The following CELSR3 variants were observed in gnomAD, a reference collection of about 807,000 sequenced individuals.
CELSR3 encodes cadherin EGF LAG seven-pass G-type receptor 3.
In CELSR3, 73 loss-of-function variants were observed where a neutral mutation model predicts 270.0. The ratio of observed to expected loss-of-function variants is 0.27; its 90% CI spans 0.22 to 0.33. CELSR3 has a LOEUF of 0.33. Among genes scored for constraint, CELSR3 ranks in the 10% least tolerant of loss-of-function variants. The probability of loss-of-function intolerance (pLI) is 1.00; values close to 1 mark genes in which losing one functional copy is unlikely to be tolerated. For missense variants in CELSR3, 3,614 were observed against 4,533.8 expected (o/e 0.80, Z 5.83); for synonymous variants, 1,780 against 1,905.4 (o/e 0.93, Z 1.71).
chr3:48,650,433 A>AGGGGGGGGGGCG lies in CELSR3; in HGVS notation c.6472+46_6472+47insCGCCCCCCCCCC. 2 of 927,818 alleles carry AGGGGGGGGGGCG rather than the reference A, an allele frequency of 2.2e-6. No homozygotes were observed. Among genetic ancestry groups the AGGGGGGGGGGCG allele is most frequent in the Non-Finnish European group, 1.7e-6 (1 of 598,394 alleles). 57.5% of individuals were successfully genotyped at this position (927,818 alleles called of 1,614,324 possible). A position where few individuals can be genotyped will look rare whatever the true frequency, so the allele number is the denominator to read the frequency against. On this transcript the variant is annotated intron_variant, in intron 16 of 34. Transcript: ENST00000164024. This position sits in a 1 kb window ranked among gnomAD's most constrained non-coding sequence, Gnocchi z 5.1. ...GACATGGCTCTAGCAGTCAGAGTACAGGCCCACCCCCACCCTCAGTGATGT... is the reference window on the plus strand; with the variant it reads ...GACATGGCTCTAGCAGTCAGAGTACAGGGGGGGGGGCGGGCCCACCCCCACCCTCAGTGATGT...
In CELSR3 at chr3:48,653,280, G is replaced by A. The variant is rs1174646650; in HGVS notation, c.5449-93C>T. 3 of 1,214,176 alleles carry A rather than the reference G, an allele frequency of 2.5e-6. No individual in the cohort carries two copies. The African/African-American group carries it at 4.5e-5, about 18-fold the overall frequency. The allele number at this position is 1,214,176 out of a possible 1,614,324, so 75.2% of individuals were successfully genotyped here. Reference sequence around the variant, plus strand: ...GAGGGCTCAGAGGTCAGGAATATCAGAGGTCAGAACAGTGGGGTCAAGGTT... The same window carrying A: ...GAGGGCTCAGAGGTCAGGAATATCAAAGGTCAGAACAGTGGGGTCAAGGTT... On this transcript the variant is annotated intron_variant, in intron 9 of 34. Coordinates refer to ENST00000164024, the MANE Select transcript of CELSR3 (RefSeq NM_001407.3). This position sits in a 1 kb window ranked among gnomAD's most constrained non-coding sequence, Gnocchi z 6.5.
In CELSR3 at chr3:48,651,955, C is replaced by A. The variant is rs927234373; in HGVS notation, c.5845G>T (p.Ala1949Ser). The change falls in exon 12 of 35, where the codon GCC (alanine) becomes TCC (serine). Residue 1949 changes from alanine (A) to serine (S), a missense_variant. By Grantham distance (99) the Ala-to-Ser change is moderately conservative. This residue lies in a region of CELSR3 where 1,331 missense variants were observed against 1,933.7 expected (regional missense o/e 0.69). Transcript: ENST00000164024. The surrounding 1 kb of genome is among the most constrained non-coding windows in gnomAD (Gnocchi z 7.4). Reference protein sequence around the residue: ...NAEPGCVVTNACASGPCPPHA... With the variant: ...NAEPGCVVTNSCASGPCPPHA... ...GGTGGGCAGGGCCCAGAGGCACAGG[C>A]GTTGGTCACAACACAGCCAGGCTCC... 6.2e-7 allele frequency: 1 copy of A among 1,608,470 alleles called. No individual in the cohort carries two copies.
At position 48,657,317 on chromosome 3, in the gene CELSR3, C is replaced by G; in HGVS notation, c.3780G>C (p.Val1260=). The G allele has an allele frequency of 1.2e-6, 2 of 1,607,566 alleles. No individual in the cohort carries two copies. The highest frequency in any genetic ancestry group is 1.7e-6 in the Non-Finnish European group (2 of 1,177,294). ...CCTCCGTGATGATGACCACGCGCAG[C>G]ACACACTGCGCCGTCACGCTGTGCA... is the stretch of plus-strand genomic sequence containing the variant. The part of the protein sequence containing the change: ...DGLHSVTAQC[V]LRVVIITEEL... The change falls in exon 2 of 35, where the codon GTG becomes GTC. Residue 1260 remains valine, a synonymous_variant. Coordinates refer to ENST00000164024, the MANE Select transcript of CELSR3 (RefSeq NM_001407.3). The surrounding 1 kb of genome is among the most constrained non-coding windows in gnomAD (Gnocchi z 5.4).
Position 48,648,246 on chromosome 3 carries a change from CT to C in CELSR3, c.6973+19del. 14 of 1,418,210 alleles carry C rather than the reference CT, an allele frequency of 9.9e-6. No individual in the cohort carries two copies. Among genetic ancestry groups the C allele is most frequent in the African/African-American group, 1.4e-5 (1 of 70,982 alleles). 87.9% of individuals were successfully genotyped at this position (1,418,210 alleles called of 1,614,324 possible). A position where few individuals can be genotyped will look rare whatever the true frequency, so the allele number is the denominator to read the frequency against. The stretch of plus-strand genomic sequence containing the variant: ...CATGGCCCCCCTGCTGTGCCCCGCC[CT>C]ACCCCACCCACAACGCACTGATATT... On this transcript the variant is annotated intron_variant, in intron 19 of 34. Coordinates refer to ENST00000164024, the MANE Select transcript of CELSR3 (RefSeq NM_001407.3).
chr3:48,640,468 G>T lies in CELSR3; in HGVS notation c.9117C>A (p.His3039Gln). The change falls in exon 34 of 35, where the codon CAC becomes CAA. Residue 3039 changes from histidine (H) to glutamine (Q), a missense_variant. By Grantham distance (24) the His-to-Gln change is conservative. This residue lies in a region of CELSR3 where 1,240 missense variants were observed against 1,351.7 expected (regional missense o/e 0.92). Coordinates refer to ENST00000164024, the MANE Select transcript of CELSR3 (RefSeq NM_001407.3). The surrounding 1 kb of genome is among the most constrained non-coding windows in gnomAD (Gnocchi z 7.5). Reference protein sequence around the residue: ...LSWCRAATLGHRAVPAASYGR... With the variant: ...LSWCRAATLGQRAVPAASYGR... Reference sequence around the variant, plus strand: ...CGTAAGAGGCAGCTGGCACAGCACGGTGGCCCAAGGTGGCTGCACGGCACC... The same window carrying T: ...CGTAAGAGGCAGCTGGCACAGCACGTTGGCCCAAGGTGGCTGCACGGCACC... 6.2e-7 allele frequency: 1 copy of T among 1,612,310 alleles called. No homozygotes were observed. Among genetic ancestry groups the T allele is most frequent in the Non-Finnish European group, 8.5e-7 (1 of 1,179,840 alleles).
rs1023692851 is a variant in CELSR3, at chr3:48,656,553, C to A, written c.4399+145G>T. ...ATCGCTGCCTCGGCGGCGGCCCCTT[C>A]CGGCCACGCTCTACGGCTTCTGGCC... is the stretch of plus-strand genomic sequence containing the variant. On this transcript the variant is annotated intron_variant, in intron 2 of 34. Transcript: ENST00000164024. 4.0e-6 allele frequency: 5 copies of A among 1,250,948 alleles called. No individual in the cohort carries two copies. The East Asian group carries it at 1.1e-4, about 28-fold the overall frequency. The allele number at this position is 1,250,948 out of a possible 1,614,324, so 77.5% of individuals were successfully genotyped here.
intron 19 of CELSR3, 57 bp from the exon 20 acceptor site, chr3:48,648,053 T>C (rs1465657797): frequency 2.5e-6 from 4 of 1,591,586 alleles, no homozygotes; most frequent in Non-Finnish European, 3.4e-6. Context: ...CTGCCAAGGG[T>C]TCTACTCCCT....
rs776737732 is a variant in CELSR3, at chr3:48,655,357, C to G, written c.4779G>C (p.Gly1593=). 2 of 1,614,104 alleles carry G rather than the reference C, an allele frequency of 1.2e-6. No individual in the cohort carries two copies. The highest frequency in any genetic ancestry group is 2.2e-5 in the South Asian group (2 of 91,088). The stretch of plus-strand genomic sequence containing the variant: ...TATGCCATTGCCCGTCACTCAAGCC[C>G]CCTGGAACTGTGGGGCTGACCACGG... ...SNTVVSPTVP[G]GLSDGQWHTV... Residue 1593 remains glycine, a synonymous_variant, in exon 5 of 35, where the codon GGG becomes GGC. Coordinates refer to ENST00000164024, the MANE Select transcript of CELSR3 (RefSeq NM_001407.3). This position sits in a 1 kb window ranked among gnomAD's most constrained non-coding sequence, Gnocchi z 5.8.
rs779079515 is a variant in CELSR3 at position 48,647,922 on chromosome 3, G to T, written c.7048C>A (p.Leu2350Ile). 1 of 1,612,176 alleles carries T rather than the reference G, an allele frequency of 6.2e-7. No homozygotes were observed. Among genetic ancestry groups the T allele is most frequent in the South Asian group, 1.1e-5 (1 of 91,072 alleles). The change falls in exon 20 of 35, where the codon CTC (leucine) becomes ATC (isoleucine). Residue 2350 changes from leucine (L) to isoleucine (I), a missense_variant. Around this residue, in one of 7 missense-constraint regions of CELSR3, gnomAD observed 1,240 missense variants for 1,351.7 expected, o/e 0.92. Coordinates refer to ENST00000164024, the MANE Select transcript of CELSR3 (RefSeq NM_001407.3). The stretch of plus-strand genomic sequence containing the variant: ...TCCCAGGCATCCTGGCCTCGAAAGA[G>T]GTTGCTATGGTAGCGAGGGTAGCGA... ...ARRYPRYHSN[L>I]FRGQDAWDPH...
Position 48,640,560 on chromosome 3 carries a change from C to A in CELSR3, c.9026-1G>T. Reference sequence around the variant, plus strand: ...TATTGCAACCGGTTCTTCAGGATGCCTGTGAGAGGAAGAAAATGGGGGGCA... The same window carrying A: ...TATTGCAACCGGTTCTTCAGGATGCATGTGAGAGGAAGAAAATGGGGGGCA... On this transcript the variant is annotated splice_acceptor_variant, in intron 33 of 34. Coordinates refer to ENST00000164024, the MANE Select transcript of CELSR3 (RefSeq NM_001407.3). LOFTEE classifies it high-confidence loss of function. The surrounding 1 kb of genome is among the most constrained non-coding windows in gnomAD (Gnocchi z 7.5). 1.3e-6 allele frequency: 2 copies of A among 1,547,806 alleles called. No homozygotes were observed. Among genetic ancestry groups the A allele is most frequent in the Non-Finnish European group, 8.8e-7 (1 of 1,141,058 alleles).
Position 48,650,264 on chromosome 3 carries a change from G to A in CELSR3, c.6472+216C>T, listed in dbSNP as rs573203483. On this transcript the variant is annotated intron_variant, in intron 16 of 34. Coordinates refer to ENST00000164024, the MANE Select transcript of CELSR3 (RefSeq NM_001407.3). The surrounding 1 kb of genome is among the most constrained non-coding windows in gnomAD (Gnocchi z 5.1). ...GGGGGCAGTGCACCTGAGCAAACAC[G>A]TACCCCTTACCTGCACCCCGCAATC... 44 of 664,322 alleles carry A rather than the reference G, an allele frequency of 6.6e-5. No homozygotes were observed. The highest frequency in any genetic ancestry group is 6.0e-4 in the African/African-American group (34 of 56,364). 41.2% of individuals were successfully genotyped at this position (664,322 alleles called of 1,614,324 possible).
chr3:48,654,926 T>G lies in CELSR3; in HGVS notation c.4988+118A>C. On this transcript the variant is annotated intron_variant, in intron 6 of 34. Transcript: ENST00000164024. The surrounding 1 kb of genome is among the most constrained non-coding windows in gnomAD (Gnocchi z 5.4). The stretch of plus-strand genomic sequence containing the variant: ...GGTCTTTGAGAGGAGAGGGGAATCT[T>G]GGTGGTTTGGGGGAAAGATGGGAGA... 9.5e-7 allele frequency: 1 copy of G among 1,047,244 alleles called. No individual in the cohort carries two copies. Among genetic ancestry groups the G allele is most frequent in the Non-Finnish European group, 1.4e-6 (1 of 693,444 alleles). The allele number at this position is 1,047,244 out of a possible 1,614,324, so 64.9% of individuals were successfully genotyped here. A position where few individuals can be genotyped will look rare whatever the true frequency, so the allele number is the denominator to read the frequency against.
At position 48,651,249 on chromosome 3, in the gene CELSR3, G is replaced by T. The variant is rs2047134485; in HGVS notation, c.6186+110C>A. ...GATGAGAGACAGCAACTTGGTCACA[G>T]GACACAGGCAAGAGGTTAGGGCCCA... On this transcript the variant is annotated intron_variant, in intron 14 of 34. Transcript: ENST00000164024. The surrounding 1 kb of genome is among the most constrained non-coding windows in gnomAD (Gnocchi z 7.4). 2.6e-6 allele frequency: 4 copies of T among 1,539,936 alleles called. No individual in the cohort carries two copies. In the East Asian group the frequency reaches 9.0e-5, roughly 35 times the overall value.
chr3:48,662,377 C>G lies in CELSR3; in HGVS notation c.258G>C (p.Val86=), dbSNP rs1471169819. 9 of 1,613,030 alleles carry G rather than the reference C, an allele frequency of 5.6e-6. No homozygotes were observed. The highest frequency in any genetic ancestry group is 7.6e-6 in the Non-Finnish European group (9 of 1,180,002). ...PGLGVREPIF[V]GLRGRRQSAR... is the part of the protein sequence containing the mutation. ...CGCTTTGCCTTCTCCCTCGGAGCCC[C>G]ACGAAGATAGGCTCCCTGACCCCCA... Residue 86 remains valine (V), a synonymous_variant, in exon 1 of 35, where the codon GTG becomes GTC. Transcript: ENST00000164024. The surrounding 1 kb of genome is among the most constrained non-coding windows in gnomAD (Gnocchi z 7.1).
chr3:48,650,397 A>C lies in CELSR3; in HGVS notation c.6472+83T>G. The C allele has an allele frequency of 2.6e-6, 3 of 1,144,490 alleles. No homozygotes were observed. The highest frequency in any genetic ancestry group is 2.6e-5 in the East Asian group (1 of 37,866). The allele number at this position is 1,144,490 out of a possible 1,614,324, so 70.9% of individuals were successfully genotyped here. On this transcript the variant is annotated intron_variant, in intron 16 of 34. Transcript: ENST00000164024. This position sits in a 1 kb window ranked among gnomAD's most constrained non-coding sequence, Gnocchi z 5.1. ...CTCTTTGCAGGAACAAAGCCACCCA[A>C]TTTAGGAAAAGACATGGCTCTAGCA...
In CELSR3 at chr3:48,645,070, T is replaced by C. The variant is rs138324713; in HGVS notation, c.7937A>G (p.His2646Arg). The change falls in exon 25 of 35, where the codon CAT (histidine) becomes CGT (arginine). Residue 2646 changes from histidine (H) to arginine (R), a missense_variant. This residue lies in a region of CELSR3 where 1,240 missense variants were observed against 1,351.7 expected (regional missense o/e 0.92). Transcript: ENST00000164024. This position sits in a 1 kb window ranked among gnomAD's most constrained non-coding sequence, Gnocchi z 5.4. ...NVDRGAMRFY[H>R]ALGWGVPAVL... is the part of the protein sequence containing the mutation. ...AGCAGGGACGCCCCAGCCCAGGGCATGGTAGAAGCGCATGGCGCCGCGGTC... is the reference window on the plus strand; with the variant it reads ...AGCAGGGACGCCCCAGCCCAGGGCACGGTAGAAGCGCATGGCGCCGCGGTC... 1.2e-4 allele frequency: 198 copies of C among 1,598,428 alleles called. 2 individuals carry two copies. The African/African-American group carries it at 2.5e-3, about 20-fold the overall frequency.
In CELSR3 at chr3:48,649,291, T is replaced by C. The variant is rs1395578373; in HGVS notation, c.6473-76A>G. 5 of 1,159,404 alleles carry C rather than the reference T, an allele frequency of 4.3e-6. No individual in the cohort carries two copies. In the Admixed American group the frequency reaches 1.0e-4, roughly 24 times the overall value. 71.8% of individuals were successfully genotyped at this position (1,159,404 alleles called of 1,614,324 possible). A position where few individuals can be genotyped will look rare whatever the true frequency, so the allele number is the denominator to read the frequency against. ...AGGAGATAACCGCAGCACCCTCTCCTATGCTGGGGGAATCCCTGAGGCAGA... is the reference window on the plus strand; with the variant it reads ...AGGAGATAACCGCAGCACCCTCTCCCATGCTGGGGGAATCCCTGAGGCAGA... On this transcript the variant is annotated intron_variant, in intron 16 of 34. Coordinates refer to ENST00000164024, the MANE Select transcript of CELSR3 (RefSeq NM_001407.3).
Position 48,645,674 on chromosome 3 carries a change from G to A in CELSR3, c.7591-25C>T, listed in dbSNP as rs774516001. ...TCTACAGAGACAGGGATGGTTGATG[G>A]GTTGTTGGGCAGAATCCCCGTGTCC... On this transcript the variant is annotated intron_variant, in intron 23 of 34. Transcript: ENST00000164024. The surrounding 1 kb of genome is among the most constrained non-coding windows in gnomAD (Gnocchi z 5.4). 6.2e-7 allele frequency: 1 copy of A among 1,603,180 alleles called. No homozygotes were observed. The highest frequency in any genetic ancestry group is 8.5e-7 in the Non-Finnish European group (1 of 1,172,178).
Position 48,651,531 on chromosome 3 carries a change from CCT to C in CELSR3, c.6065+44_6065+45del, listed in dbSNP as rs755894198. 24 of 1,602,182 alleles carry C rather than the reference CCT, an allele frequency of 1.5e-5. No individual in the cohort carries two copies. In the African/African-American group the frequency reaches 3.1e-4, roughly 21 times the overall value. ...CCTCCACGGTATCCCAGTGACCCTC[CCT>C]GTCCCTGCCAGGTCTCCCCATCGCC... On this transcript the variant is annotated intron_variant, in intron 13 of 34. Transcript: ENST00000164024. This position sits in a 1 kb window ranked among gnomAD's most constrained non-coding sequence, Gnocchi z 7.4.
Sources: allele counts gnomAD v4.1 joint callset, GRCh38; gene constraint gnomAD v4.1.1; regional missense constraint gnomAD v4.1.1; non-coding constraint Gnocchi (gnomAD v3.1); transcripts MANE v1.5; gene names NCBI Gene and HGNC (gene_info 2026-07-23, HGNC 2026-07-21).